The following EPB41L4B variants were observed in gnomAD, a reference collection of about 807,000 sequenced individuals.
EPB41L4B encodes band 4.1-like protein 4B.
A neutral mutation model predicts 112.5 loss-of-function variants in EPB41L4B; 30 were observed. The ratio of observed to expected loss-of-function variants is 0.27; its 90% CI spans 0.20 to 0.36. The LOEUF (loss-of-function observed/expected upper bound fraction) is 0.36, where lower values mean the gene tolerates loss of function less well. Among genes scored for constraint, EPB41L4B ranks in the 10% least tolerant of loss-of-function variants. The pLI is 1.00. For missense variants in EPB41L4B, 1,024 were observed against 1,133.3 expected, an observed-to-expected ratio of 0.90 and a Z score of 1.38; for synonymous variants, 408 against 439.7, an observed-to-expected ratio of 0.93 and a Z score of 0.90.
chr9:109,315,686 G>A (rs1465506779), intron 1 of EPB41L4B, among the ~76,000 whole-genome samples: 1 of 152,110 alleles, frequency 6.6e-6, no homozygotes, highest in East Asian at 1.9e-4. Context: ...CCGGGGAGGT[G>A]CTGTCCAGGG....
chr9:109,175,527 T>A (rs1333280701), intron 25 of EPB41L4B, among the ~76,000 whole-genome samples: 1 of 137,428 alleles, frequency 7.3e-6, no homozygotes, highest in Non-Finnish European at 1.6e-5. Flanking sequence ...TAAATACACA[T>A]CTTTTCATTG....
chr9:109,236,308 G>C (rs1347505257), intron 15 of EPB41L4B, among the ~76,000 whole-genome samples: 1 of 152,006 alleles, frequency 6.6e-6, no homozygotes, highest in African/African-American at 2.4e-5. Flanking sequence ...TAGAATGCTC[G>C]CATTTTTCTG....
chr9:109,295,489 A>G (rs1836702253), intron 1 of EPB41L4B, among the ~76,000 whole-genome samples: 2 of 152,208 alleles, frequency 1.3e-5, no homozygotes, highest in African/African-American at 4.8e-5. Flanking sequence ...TCAGTATTAC[A>G]GGCACAAGAA....
intron 15 of EPB41L4B, among the ~76,000 whole-genome samples, chr9:109,239,436 G>C (rs1004620268): frequency 2.6e-5 from 4 of 152,186 alleles, no homozygotes; most frequent in South Asian, 4.1e-4. Context: ...GACAGTCTGG[G>C]TTACAGAGGA....
chr9:109,246,611 G>A (rs1226289938), intron 14 of EPB41L4B, among the ~76,000 whole-genome samples: 1 of 152,224 alleles, frequency 6.6e-6, no homozygotes, highest in Non-Finnish European at 1.5e-5. Context: ...TGATGGGAGT[G>A]GTGAGAAATA....
chr9:109,239,247 C>A (rs576167216), intron 15 of EPB41L4B, among the ~76,000 whole-genome samples: 1 of 152,130 alleles, frequency 6.6e-6, no homozygotes, highest in East Asian at 1.9e-4. Context: ...ATATGGGTGG[C>A]GACAGGGAGA....
At position 109,194,293 on chromosome 9, in the gene EPB41L4B, G is replaced by A. The variant is rs370643827; in HGVS notation, c.2150C>T (p.Pro717Leu). ...GCTGACATTCTGGACCTTGGGGGAC[G>A]GCAGCGGCACGGAGACTTGTGTGGC... ...TAATQVSVPL[P>L]SPKVQNVSSP... is the part of the protein sequence containing the mutation. The change falls in exon 21 of 26, where the codon CCG becomes CTG. Residue 717 changes from proline (P) to leucine (L), a missense_variant. Coordinates refer to ENST00000374566, the MANE Select transcript of EPB41L4B (RefSeq NM_019114.5). 6.2e-5 allele frequency: 100 copies of A among 1,614,080 alleles called. No individual in the cohort carries two copies. The highest frequency in any genetic ancestry group is 7.7e-5 in the Non-Finnish European group (91 of 1,180,050).
At chr9:109,301,482 A>G (rs1276128675) in intron 1 of EPB41L4B, among the ~76,000 whole-genome samples, 1 of 152,118 alleles carries the variant, frequency 6.6e-6, no homozygotes, top group Non-Finnish European at 1.5e-5. Flanking sequence ...ATCTCCCCAG[A>G]AAGTTCCTGG....
intron 16 of EPB41L4B, among the ~76,000 whole-genome samples, chr9:109,214,521 A>G (rs1588141659): frequency 6.6e-6 from 1 of 152,328 alleles, no homozygotes; most frequent in East Asian, 1.9e-4. Flanking sequence ...TTGCTAAAGG[A>G]GCAGGACGGA....
rs1831687144 is a variant in EPB41L4B, at chr9:109,173,053, T to C, written c.*1501A>G. Reference sequence around the variant, plus strand: ...ACTAGTAAATCATCACATGGAAAAGTGCTCAGCCTTGCTAGCAATTAATGA... The same window carrying C: ...ACTAGTAAATCATCACATGGAAAAGCGCTCAGCCTTGCTAGCAATTAATGA... On this transcript the variant is annotated 3_prime_UTR_variant, in exon 26 of 26. Transcript: ENST00000374566. The C allele has an allele frequency of 6.6e-6, 1 of 152,612 alleles. No homozygotes were observed. Among genetic ancestry groups the C allele is most frequent in the Non-Finnish European group, 1.5e-5 (1 of 68,052 alleles). The allele number at this position is 152,612 out of a possible 1,614,324, so 9.5% of individuals were successfully genotyped here. A position where few individuals can be genotyped will look rare whatever the true frequency, so the allele number is the denominator to read the frequency against.
chr9:109,193,220 T>C (rs1832520926), intron 21 of EPB41L4B, among the ~76,000 whole-genome samples: 2 of 152,224 alleles, frequency 1.3e-5, no homozygotes, highest in Admixed American at 6.5e-5. Flanking sequence ...TGCAGAACAC[T>C]AAGCAGAGAT....
Position 109,194,398 on chromosome 9 carries a change from C to T in EPB41L4B, c.2046-1G>A, listed in dbSNP as rs1300996616. 6.2e-7 allele frequency: 1 copy of T among 1,613,620 alleles called. No homozygotes were observed. Among genetic ancestry groups the T allele is most frequent in the Non-Finnish European group, 8.5e-7 (1 of 1,179,690 alleles). ...GTCTGGAGGGAGGTCGTCTTCATCA[C>T]TGCGGTTACTAAAAGCACATGAAGC... is the stretch of plus-strand genomic sequence containing the variant. On this transcript the variant is annotated splice_acceptor_variant, in intron 20 of 25. Transcript: ENST00000374566. LOFTEE classifies it high-confidence loss of function.
At chr9:109,256,639 T>C (rs1177272312) in intron 7 of EPB41L4B, among the ~76,000 whole-genome samples, 159 bp from the exon 8 acceptor site, 7 of 152,218 alleles carry the variant, frequency 4.6e-5, no homozygotes, top group Non-Finnish European at 7.3e-5. Flanking sequence ...TACTGTTAAT[T>C]GACTAGAAAG....
intron 2 of EPB41L4B, among the ~76,000 whole-genome samples, chr9:109,278,662 C>T (rs1186975689): frequency 6.6e-6 from 1 of 152,118 alleles, no homozygotes; most frequent in African/African-American, 2.4e-5. Context: ...TAAAATAGTG[C>T]TTCCCCTCCC....
At chr9:109,277,762 G>C (rs576485998) in intron 2 of EPB41L4B, among the ~76,000 whole-genome samples, 1 of 152,212 alleles carries the variant, frequency 6.6e-6, no homozygotes, top group East Asian at 1.9e-4. Context: ...AGGAAGGCCA[G>C]GGCAGGAGAA....
chr9:109,284,708 T>C (rs1334909436), intron 1 of EPB41L4B, among the ~76,000 whole-genome samples: 1 of 152,166 alleles, frequency 6.6e-6, no homozygotes, highest in Admixed American at 6.5e-5. Flanking sequence ...ACGCCTGGCT[T>C]CTCCCCAAGT....
At chr9:109,281,377 A>C (rs1037130114) in intron 1 of EPB41L4B, among the ~76,000 whole-genome samples, 2 of 152,182 alleles carry the variant, frequency 1.3e-5, no homozygotes, top group African/African-American at 2.4e-5. Context: ...CAAAATTACA[A>C]TCAAATACTA....
chr9:109,259,995 G>A (rs1343985324), intron 6 of EPB41L4B, among the ~76,000 whole-genome samples: 3 of 152,174 alleles, frequency 2.0e-5, no homozygotes, highest in African/African-American at 7.2e-5. Context: ...ATTTACTCAT[G>A]GAATGGGGTT....
intron 18 of EPB41L4B, among the ~76,000 whole-genome samples, chr9:109,207,567 A>G (rs1279619911): frequency 6.6e-6 from 1 of 151,894 alleles, no homozygotes; most frequent in Admixed American, 6.6e-5. Context: ...GTGAGACAAG[A>G]AAGAAAGAAA....
Sources: gnomAD v4.1 joint callset for allele counts (sites outside exome capture counted in the v4.1 genomes callset) on GRCh38, gnomAD v4.1.1 for gene constraint, MANE v1.5 for transcripts, NCBI Gene and HGNC (gene_info 2026-07-23, HGNC 2026-07-21) for gene names.